Variants in STK33 observed in about 807,000 individuals in gnomAD.
The protein encoded by STK33 is serine/threonine kinase 33.
Under a neutral mutation model 58.0 loss-of-function variants are expected in STK33, and 52 were observed. The observed-to-expected ratio is 0.90, with a 90% CI of 0.72 to 1.13. STK33 has a LOEUF of 1.13. Ranked by LOEUF, STK33 falls within the 50% of genes most tolerant of loss-of-function variation. STK33 has a pLI of 0.00. For synonymous variants in STK33, 215 were observed against 200.1 expected (o/e 1.07, Z -0.63); for missense variants, 630 against 604.2 (o/e 1.04, Z -0.45).
chr11:8,472,709 A>G (rs1948895266), intron 6 of STK33, among the ~76,000 whole-genome samples: 1 of 152,148 alleles, frequency 6.6e-6, no homozygotes, highest in Admixed American at 6.5e-5. Context: ...CTTATTTTAT[A>G]TAATAATTTG....
At chr11:8,382,988 C>A in the STK33 span, among the ~76,000 whole-genome samples, 36,009 of 152,064 alleles carry the variant, frequency 0.24, 4,478 homozygotes, top group South Asian at 0.36. Flanking sequence ...GGAAAATAAC[C>A]ATGCTTCAGG....
chr11:8,448,723 G>C (rs1405832954), intron 11 of STK33, among the ~76,000 whole-genome samples: 1 of 152,096 alleles, frequency 6.6e-6, no homozygotes, highest in Non-Finnish European at 1.5e-5. Context: ...ATAGGCATGG[G>C]CAAGGACTTC....
At chr11:8,575,352 CAA>C (rs1958103700) in intron 1 of STK33, among the ~76,000 whole-genome samples, 1 of 152,232 alleles carries the variant, frequency 6.6e-6, no homozygotes, top group African/African-American at 2.4e-5. Flanking sequence ...ACAAACAACC[CAA>C]GTGTCCATCA....
At chr11:8,484,829 G>A (rs994716447) in intron 1 of STK33, among the ~76,000 whole-genome samples, 2 of 152,108 alleles carry the variant, frequency 1.3e-5, no homozygotes, top group African/African-American at 2.4e-5. Context: ...GATTAAAATC[G>A]ATAGAGCACA....
chr11:8,419,839 C>T (rs1334108499), intron 14 of STK33, among the ~76,000 whole-genome samples: 1 of 151,926 alleles, frequency 6.6e-6, no homozygotes, highest in Non-Finnish European at 1.5e-5. Flanking sequence ...TTTTTGAAAG[C>T]ATACATAAAA....
At chr11:8,586,505 T>C (rs1426158315) in intron 1 of STK33, among the ~76,000 whole-genome samples, 3 of 152,094 alleles carry the variant, frequency 2.0e-5, no homozygotes, top group Non-Finnish European at 4.4e-5. Flanking sequence ...GTGTCTGTTA[T>C]AGCACCTGCC....
At chr11:8,549,046 G>A (rs911822409) in intron 1 of STK33, among the ~76,000 whole-genome samples, 5 of 152,032 alleles carry the variant, frequency 3.3e-5, no homozygotes, top group Admixed American at 6.6e-5. Context: ...TTATATTTAG[G>A]AAAACCTAAA....
At chr11:8,394,950 C>T (rs1458505878) in intron 15 of STK33, among the ~76,000 whole-genome samples, 1 of 152,032 alleles carries the variant, frequency 6.6e-6, no homozygotes, top group African/African-American at 2.4e-5. Context: ...TCCTCCTTAC[C>T]CCCTAGTTAA....
intron 15 of STK33, among the ~76,000 whole-genome samples, chr11:8,412,535 G>A (rs914070178): frequency 2.0e-5 from 3 of 152,098 alleles, no homozygotes; most frequent in African/African-American, 7.2e-5. Flanking sequence ...AGGATTCTTG[G>A]CATGGAGGGG....
At chr11:8,374,288 C>T in the STK33 span, among the ~76,000 whole-genome samples, 1 of 152,160 alleles carries the variant, frequency 6.6e-6, no homozygotes, top group Non-Finnish European at 1.5e-5. Flanking sequence ...CCCCAACCCC[C>T]TTGTACTCTG....
Position 8,491,052 on chromosome 11 carries a change from C to T in STK33, c.-465-10438G>A, listed in dbSNP as rs1210545530. ...CCTCTTCTCCTCCAAAGGATTGCAG[C>T]TCCTCGCCAGTAACAGAACAAAGCT... On this transcript the variant is annotated intron_variant, in intron 1 of 15. Transcript: ENST00000687296. Among the ~76,000 whole-genome samples, 5 of 152,194 alleles carry T rather than the reference C, an allele frequency of 3.3e-5. No homozygotes were observed. In the East Asian group the frequency reaches 7.7e-4, roughly 23 times the overall value.
At chr11:8,421,811 T>A (rs1384810389) in intron 14 of STK33, among the ~76,000 whole-genome samples, 2 of 152,162 alleles carry the variant, frequency 1.3e-5, no homozygotes, top group African/African-American at 4.8e-5. Context: ...TTACTAGATG[T>A]TTTATATTCT....
At chr11:8,565,232 T>C (rs549206130) in intron 1 of STK33, among the ~76,000 whole-genome samples, 1 of 152,028 alleles carries the variant, frequency 6.6e-6, no homozygotes, top group South Asian at 2.1e-4. Context: ...ATGGAGGATA[T>C]AGGTTTTTCA....
the STK33 span, among the ~76,000 whole-genome samples, chr11:8,346,652 C>G: frequency 6.6e-6 from 1 of 152,210 alleles, no homozygotes. Flanking sequence ...CCTCATCTTG[C>G]CCTGGTCTCT....
intron 1 of STK33, among the ~76,000 whole-genome samples, chr11:8,507,472 T>C (rs373267961): frequency 1.1e-4 from 16 of 152,236 alleles, no homozygotes; most frequent in African/African-American, 3.6e-4. Context: ...ATGCACATTG[T>C]AAGGGGGTAT....
the STK33 span, among the ~76,000 whole-genome samples, chr11:8,364,105 T>C: frequency 6.6e-6 from 1 of 152,198 alleles, no homozygotes; most frequent in African/African-American, 2.4e-5. Flanking sequence ...AGCGTCACTA[T>C]CTCTGGGGCA....
chr11:8,492,596 CTAAA>C (rs1950712956), intron 1 of STK33, among the ~76,000 whole-genome samples: 1 of 152,186 alleles, frequency 6.6e-6, no homozygotes, highest in South Asian at 2.1e-4. Flanking sequence ...ACCAAGCCAA[CTAAA>C]TAGTCATCTA....
At chr11:8,501,772 C>G (rs564667166) in intron 1 of STK33, among the ~76,000 whole-genome samples, 1 of 152,198 alleles carries the variant, frequency 6.6e-6, no homozygotes, top group East Asian at 1.9e-4. Flanking sequence ...CAAAAAGTTG[C>G]AAACAACCCA....
intron 1 of STK33, among the ~76,000 whole-genome samples, chr11:8,508,561 G>GT (rs1952054344): frequency 6.6e-6 from 1 of 152,088 alleles, no homozygotes; most frequent in African/African-American, 2.4e-5. Context: ...ATGAGCTATT[G>GT]TGCCTGGCCT....
Sources: gnomAD v4.1 joint callset for allele counts (sites outside exome capture counted in the v4.1 genomes callset) on GRCh38, gnomAD v4.1.1 for gene constraint, MANE v1.5 for transcripts, NCBI Gene and HGNC (gene_info 2026-07-23, HGNC 2026-07-21) for gene names.